KDM2B: variants seen among roughly 807,000 people sequenced by gnomAD.
The protein encoded by KDM2B is lysine-specific demethylase 2B.
A neutral mutation model predicts 150.0 loss-of-function variants in KDM2B; 26 were observed. The observed-to-expected ratio is 0.17, with a 90% CI of 0.13 to 0.24. The LOEUF (loss-of-function observed/expected upper bound fraction) is 0.24. Ranked by LOEUF, KDM2B falls within the 10% of genes least tolerant of loss-of-function variation. The pLI, the probability that KDM2B is intolerant of heterozygous loss-of-function variation, is 1.00. For synonymous variants in KDM2B, 734 were observed against 729.5 expected (o/e 1.01, Z -0.10); for missense variants, 1,265 against 1,816.9 (o/e 0.70, Z 5.52).
At chr12:121,426,618 CA>C (rs1872527225), downstream of KDM2B, among the ~76,000 whole-genome samples, 1 of 132,834 alleles carries the variant, frequency 7.5e-6, no homozygotes, top group South Asian at 2.5e-4. Flanking sequence ...TAATTTTAAA[CA>C]ATTTTTTTTT....
chr12:121,477,715 T>C (rs1320640447), intron 12 of KDM2B, among the ~76,000 whole-genome samples: 1 of 151,562 alleles, frequency 6.6e-6, no homozygotes, highest in African/African-American at 2.4e-5. Flanking sequence ...GTAGCTGGGA[T>C]TATAGGTGTC....
At chr12:121,465,877 G>C (rs1555294648) in intron 12 of KDM2B, among the ~76,000 whole-genome samples, 1 of 152,148 alleles carries the variant, frequency 6.6e-6, no homozygotes, top group Non-Finnish European at 1.5e-5. Context: ...TATGGAACAA[G>C]ACTTTGAGAG....
At chr12:121,417,985 GCTTGA>G in the KDM2B span, 2 of 1,437,398 alleles carry the variant, frequency 1.4e-6, no homozygotes, top group Non-Finnish European at 1.9e-6. This position sits in a 1 kb window ranked among gnomAD's most constrained non-coding sequence, Gnocchi z 5.0. Flanking sequence ...GGCCTTTAGT[GCTTGA>G]TGACTTCTGA....
intron 12 of KDM2B, among the ~76,000 whole-genome samples, chr12:121,470,706 A>G (rs10774598): frequency 0.35 from 53,484 of 151,802 alleles, 10,045 homozygotes; most frequent in East Asian, 0.44. Context: ...CACCGCTCCA[A>G]TGCTTCATGC....
At chr12:121,419,043 G>A in the KDM2B span, among the ~76,000 whole-genome samples, 1 of 152,150 alleles carries the variant, frequency 6.6e-6, no homozygotes, top group Non-Finnish European at 1.5e-5. Flanking sequence ...AATGCAGAGG[G>A]AAATTTGGTC....
At chr12:121,552,746 A>G (rs1431420424) in intron 4 of KDM2B, among the ~76,000 whole-genome samples, 2 of 151,416 alleles carry the variant, frequency 1.3e-5, no homozygotes, top group Non-Finnish European at 2.9e-5. Context: ...CCTAGGAAGC[A>G]GTGGATCCAG....
chr12:121,478,361 CTTT>C (rs34310054), intron 12 of KDM2B, among the ~76,000 whole-genome samples: 1 of 137,030 alleles, frequency 7.3e-6, no homozygotes, highest in Non-Finnish European at 1.6e-5. Flanking sequence ...CAAGTAGATC[CTTT>C]TTTTTTTTTT....
At position 121,575,916 on chromosome 12, in the gene KDM2B, C is replaced by T. The variant is rs534052816; in HGVS notation, c.272-57G>A. 7.6e-5 allele frequency: 103 copies of T among 1,347,874 alleles called. No individual in the cohort carries two copies. In the East Asian group the frequency reaches 8.5e-4, roughly 11 times the overall value. 83.5% of individuals were successfully genotyped at this position (1,347,874 alleles called of 1,614,324 possible). ...TTAAGTCACGAAGGAGCAAATGAAC[C>T]GGGATCTGTTGGTTAGGGGAAGAAA... On this transcript the variant is annotated intron_variant, in intron 2 of 22. Transcript: ENST00000377071. The surrounding 1 kb of genome is among the most constrained non-coding windows in gnomAD (Gnocchi z 4.4).
intron 13 of KDM2B, among the ~76,000 whole-genome samples, chr12:121,446,435 T>C (rs1234561855): frequency 6.6e-6 from 1 of 152,224 alleles, no homozygotes; most frequent in African/African-American, 2.4e-5. Flanking sequence ...ATATCTCTGA[T>C]GAAACAGTAA....
intron 11 of KDM2B, among the ~76,000 whole-genome samples, chr12:121,503,493 T>G (rs1409684324): frequency 6.6e-6 from 1 of 151,892 alleles, no homozygotes; most frequent in Non-Finnish European, 1.5e-5. Context: ...GTTTTGTTTT[T>G]GTAGACTGGG....
chr12:121,511,986 G>T (rs1053821212), intron 10 of KDM2B, among the ~76,000 whole-genome samples: 1 of 152,114 alleles, frequency 6.6e-6, no homozygotes, highest in Non-Finnish European at 1.5e-5. Flanking sequence ...GCACCACCTC[G>T]AGATTTCCTC....
chr12:121,418,857 G>T, the KDM2B span: 1 of 152,154 alleles, frequency 6.6e-6, no homozygotes, highest in African/African-American at 2.4e-5. Context: ...GAGTAGCTAG[G>T]ATTACACCCC....
Position 121,509,822 on chromosome 12 carries a change from AGGT to A in KDM2B, c.1389_1391del (p.Pro464del), listed in dbSNP as rs782680122. 2 of 1,614,070 alleles carry A rather than the reference AGGT, an allele frequency of 1.2e-6. No homozygotes were observed. The highest frequency in any genetic ancestry group is 2.2e-5 in the South Asian group (2 of 91,090). On this transcript the variant is annotated inframe_deletion, in exon 11 of 23. Coordinates refer to ENST00000377071, the MANE Select transcript of KDM2B (RefSeq NM_032590.5). The stretch of plus-strand genomic sequence containing the variant: ...AAGTCCTTTTGAGGAATCGCAGGGC[AGGT>A]GCTTTGGGCTTCTTCCCGAGGGCCT...
intron 8 of KDM2B, among the ~76,000 whole-genome samples, chr12:121,525,514 G>A (rs1001399652): frequency 6.6e-6 from 1 of 152,210 alleles, no homozygotes; most frequent in African/African-American, 2.4e-5. Context: ...AAAGTGCTAA[G>A]TGCTGGGATT....
At chr12:121,580,384 G>A in intron 1 of KDM2B, 1 of 1,143,780 alleles carries the variant, frequency 8.7e-7, no homozygotes, top group Non-Finnish European at 1.1e-6. Flanking sequence ...GGCGGCCCGA[G>A]GAGGTATGGG....
chr12:121,574,977 A>T lies in KDM2B; in HGVS notation c.351-384T>A, dbSNP rs567125769. ...CTATGTCTCTTTCTCCCTCTAGAAA[A>T]TACTCTCCATGAGGAGTTTTATGCA... On this transcript the variant is annotated intron_variant, in intron 3 of 22. Transcript: ENST00000377071. Among the ~76,000 whole-genome samples, 55 of 152,332 alleles carry T rather than the reference A, an allele frequency of 3.6e-4. 1 individual carries two copies. The South Asian group carries it at 0.011, about 31-fold the overall frequency.
intron 12 of KDM2B, among the ~76,000 whole-genome samples, chr12:121,454,262 G>A (rs1555292335): frequency 2.6e-5 from 4 of 152,212 alleles, no homozygotes; most frequent in African/African-American, 9.6e-5. Flanking sequence ...AGCCTGGCAT[G>A]CAGAATGCAC....
intron 4 of KDM2B, among the ~76,000 whole-genome samples, chr12:121,553,957 T>C (rs1290261517): frequency 6.6e-6 from 1 of 151,556 alleles, no homozygotes; most frequent in Non-Finnish European, 1.5e-5. Context: ...CCCAACAGTT[T>C]GGGAGACAGA....
chr12:121,481,847 C>T (rs1366107518), intron 12 of KDM2B, among the ~76,000 whole-genome samples: 3 of 152,008 alleles, frequency 2.0e-5, no homozygotes, highest in Non-Finnish European at 4.4e-5. Flanking sequence ...GGTGCAATCT[C>T]GGCTCACTGC....
Sources: allele counts gnomAD v4.1 joint callset (sites outside exome capture counted in the v4.1 genomes callset), GRCh38; gene constraint gnomAD v4.1.1; non-coding constraint Gnocchi (gnomAD v3.1); transcripts MANE v1.5; gene names NCBI Gene and HGNC (gene_info 2026-07-23, HGNC 2026-07-21).